Variants in CALN1 observed in about 807,000 individuals in gnomAD.
The protein encoded by CALN1 is calneuron 1, also known as calcium-binding protein 8.
Under a neutral mutation model 30.6 loss-of-function variants are expected in CALN1, and 17 were observed. That is an observed-to-expected ratio of 0.56 (90% confidence interval 0.38 to 0.83). CALN1 has a LOEUF of 0.83. Among genes scored for constraint, CALN1 ranks in the 40% least tolerant of loss-of-function variants. The probability of loss-of-function intolerance (pLI) is 0.00; values close to 1 mark genes in which losing one functional copy is unlikely to be tolerated. For missense variants in CALN1, 291 were observed against 354.9 expected, an observed-to-expected ratio of 0.82 and a Z score of 1.45; for synonymous variants, 156 against 131.4, an observed-to-expected ratio of 1.19 and a Z score of -1.28.
chr7:71,904,343 C>A (rs1434561249), intron 5 of CALN1, among the ~76,000 whole-genome samples: 1 of 152,066 alleles, frequency 6.6e-6, no homozygotes, highest in East Asian at 1.9e-4. Flanking sequence ...GTATATATTC[C>A]CAATGGAATA....
chr7:71,815,545 G>A (rs973860833), intron 5 of CALN1, among the ~76,000 whole-genome samples: 6 of 152,120 alleles, frequency 3.9e-5, no homozygotes, highest in Admixed American at 1.3e-4. Flanking sequence ...CAAAGGACGC[G>A]GGATCTGAGT....
rs113366676 is a variant in CALN1 at position 71,863,186 on chromosome 7, G to C, written c.502-52694C>G. ...AGGTGGGGAGATTGCTTGGGCCTGG[G>C]AGATGGAGGCTGCAGTGAGCCATGA... On this transcript the variant is annotated intron_variant, in intron 5 of 6. Coordinates refer to ENST00000395275, the MANE Select transcript of CALN1 (RefSeq NM_031468.4). 7.6e-4 allele frequency among the ~76,000 whole-genome samples: 116 copies of C among 152,206 alleles called. 1 individual carries two copies. Among genetic ancestry groups the C allele is most frequent in the African/African-American group, 2.8e-3 (115 of 41,546 alleles).
intron 5 of CALN1, among the ~76,000 whole-genome samples, chr7:71,845,774 T>C (rs34058852): frequency 0.11 from 16,050 of 152,040 alleles, 1,434 homozygotes; most frequent in East Asian, 0.51. Context: ...AACACTCTCA[T>C]CCGGGCACAG....
chr7:72,201,752 AAAAAG>A (rs1272745762), intron 3 of CALN1, among the ~76,000 whole-genome samples: 2 of 150,446 alleles, frequency 1.3e-5, no homozygotes, highest in African/African-American at 5.0e-5. Flanking sequence ...AAAAAAAAAA[AAAAAG>A]CAGTAACTGT....
chr7:71,860,668 T>C (rs1302386044), intron 5 of CALN1, among the ~76,000 whole-genome samples: 3 of 152,246 alleles, frequency 2.0e-5, no homozygotes, highest in Admixed American at 1.3e-4. Flanking sequence ...AAAAATGACA[T>C]GACATTGTTA....
At chr7:72,121,902 T>C (rs1179386028) in intron 3 of CALN1, among the ~76,000 whole-genome samples, 2 of 147,438 alleles carry the variant, frequency 1.4e-5, no homozygotes, top group Admixed American at 6.8e-5. Context: ...ATATATATTT[T>C]ATATATAAAT....
rs557944874 is a variant in CALN1 at position 71,829,152 on chromosome 7, G to A, written c.502-18660C>T. On this transcript the variant is annotated intron_variant, in intron 5 of 6. Transcript: ENST00000395275. ...CCCTGAGGCTGTGTCACAGGTACGC[G>A]TCCTTAACCTTGGCAAAATAAACTT... 5.9e-5 allele frequency among the ~76,000 whole-genome samples: 9 copies of A among 152,240 alleles called. No individual in the cohort carries two copies. In the East Asian group the frequency reaches 7.7e-4, roughly 13 times the overall value.
Position 71,948,517 on chromosome 7 carries a change from G to A in CALN1, c.501+75140C>T, listed in dbSNP as rs1219199487. ...GGCTGAGGCGGGCGGATCACCTGAG[G>A]TCAGGAATTCCAGACTAGCCTGGCC... is the stretch of plus-strand genomic sequence containing the variant. On this transcript the variant is annotated intron_variant, in intron 5 of 6. Transcript: ENST00000395275. Among the ~76,000 whole-genome samples the A allele has an allele frequency of 2.6e-5, 4 of 152,066 alleles. No individual in the cohort carries two copies. The East Asian group carries it at 5.8e-4, about 22-fold the overall frequency.
intron 3 of CALN1, among the ~76,000 whole-genome samples, chr7:72,215,422 C>T (rs1332186445): frequency 1.3e-5 from 2 of 151,906 alleles, no homozygotes; most frequent in Admixed American, 1.3e-4. Context: ...GGTGAAACCC[C>T]GTCTCTACCA....
chr7:72,292,689 C>T (rs565591448), intron 2 of CALN1, among the ~76,000 whole-genome samples: 16 of 150,888 alleles, frequency 1.1e-4, no homozygotes, highest in African/African-American at 2.0e-4. Context: ...GGCATGGTGG[C>T]GCATGCTTGT....
chr7:71,987,333 G>A (rs916814522), intron 5 of CALN1, among the ~76,000 whole-genome samples: 1 of 152,198 alleles, frequency 6.6e-6, no homozygotes, highest in African/African-American at 2.4e-5. Context: ...ACAGGGGCCC[G>A]TGTGCTATTT....
chr7:71,846,972 A>G (rs1054289371), intron 5 of CALN1, among the ~76,000 whole-genome samples: 14 of 148,202 alleles, frequency 9.4e-5, no homozygotes, highest in African/African-American at 3.5e-4. Flanking sequence ...ATACACACAT[A>G]TATACACATA....
At chr7:72,444,296 G>A (rs546408236) in intron 1 of CALN1, among the ~76,000 whole-genome samples, 25 of 152,146 alleles carry the variant, frequency 1.6e-4, no homozygotes, top group East Asian at 7.8e-4. Flanking sequence ...GCAGGCACCC[G>A]GTACAGGTTC....
At chr7:71,809,135 A>ATTGCT (rs1406688217) in intron 6 of CALN1, among the ~76,000 whole-genome samples, 1 of 152,098 alleles carries the variant, frequency 6.6e-6, no homozygotes, top group African/African-American at 2.4e-5. Flanking sequence ...AGAAGAGATC[A>ATTGCT]TTGCTTTCTG....
intron 2 of CALN1, among the ~76,000 whole-genome samples, chr7:72,283,218 G>A (rs1449206287): frequency 6.6e-6 from 1 of 151,816 alleles, no homozygotes; most frequent in African/African-American, 2.4e-5. Context: ...GAATAGTACT[G>A]TTGTAAATAT....
chr7:71,937,415 T>C (rs1248149815), intron 5 of CALN1, among the ~76,000 whole-genome samples: 2 of 138,778 alleles, frequency 1.4e-5, no homozygotes, highest in African/African-American at 5.1e-5. Flanking sequence ...TACAGACACA[T>C]ATAAATATGT....
intron 3 of CALN1, among the ~76,000 whole-genome samples, chr7:72,185,405 C>T (rs188684789): frequency 1.3e-5 from 2 of 152,222 alleles, no homozygotes; most frequent in East Asian, 1.9e-4. Context: ...ACACAGATTG[C>T]GCAGGAAGCT....
chr7:72,286,525 AAT>A (rs771662131), intron 2 of CALN1, among the ~76,000 whole-genome samples: 16 of 152,142 alleles, frequency 1.1e-4, no homozygotes, highest in East Asian at 1.9e-4. Context: ...ATAACCCAGA[AAT>A]ATATATGTCT....
chr7:72,115,755 G>C (rs964176017), intron 3 of CALN1, among the ~76,000 whole-genome samples: 12 of 151,900 alleles, frequency 7.9e-5, no homozygotes, highest in African/African-American at 2.9e-4. Flanking sequence ...CAAAGTGCTA[G>C]GATTACAGGC....
Sources: gnomAD v4.1 joint callset for allele counts (sites outside exome capture counted in the v4.1 genomes callset) on GRCh38, gnomAD v4.1.1 for gene constraint, MANE v1.5 for transcripts, NCBI Gene and HGNC (gene_info 2026-07-23, HGNC 2026-07-21) for gene names.